The following CNTN4 variants were observed in gnomAD, a reference collection of about 807,000 sequenced individuals.
The protein encoded by CNTN4 is contactin 4.
In CNTN4, 77 loss-of-function variants were observed where a neutral mutation model predicts 122.5. That is an observed-to-expected ratio of 0.63 (90% confidence interval 0.52 to 0.76). The LOEUF is 0.76. Ranked by LOEUF, CNTN4 falls within the 30% of genes least tolerant of loss-of-function variation. The pLI, the probability that CNTN4 is intolerant of heterozygous loss-of-function variation, is 0.00. For synonymous variants in CNTN4, 512 were observed against 447.0 expected, an observed-to-expected ratio of 1.15 and a Z score of -1.83; for missense variants, 1,256 against 1,259.1, an observed-to-expected ratio of 1.00 and a Z score of 0.04.
chr3:3,042,242 T>C (rs1700228475), intron 20 of CNTN4, 68 bp from the exon 21 acceptor site: 1 of 1,084,168 alleles, frequency 9.2e-7, no homozygotes, highest in Admixed American at 1.7e-5. Context: ...TACCTTATAA[T>C]GCTAGTATCT....
At chr3:2,265,247 T>C (rs1352086732) in intron 2 of CNTN4, among the ~76,000 whole-genome samples, 2 of 152,128 alleles carry the variant, frequency 1.3e-5, no homozygotes, top group Non-Finnish European at 2.9e-5. Flanking sequence ...ATTTTCTTTA[T>C]CCACTTATTG....
chr3:2,674,970 A>G (rs2084762871), intron 4 of CNTN4, among the ~76,000 whole-genome samples: 1 of 152,158 alleles, frequency 6.6e-6, no homozygotes, highest in Non-Finnish European at 1.5e-5. Context: ...CATATAAGTG[A>G]GAACACGTGG....
intron 3 of CNTN4, among the ~76,000 whole-genome samples, chr3:2,542,558 G>A (rs1200388198): frequency 6.6e-6 from 1 of 152,092 alleles, no homozygotes; most frequent in African/African-American, 2.4e-5. Flanking sequence ...CGCTGATATA[G>A]TACAAATTTT....
intron 12 of CNTN4, among the ~76,000 whole-genome samples, chr3:2,916,498 T>G (rs2094357309): frequency 6.8e-6 from 1 of 147,916 alleles, no homozygotes; most frequent in African/African-American, 2.5e-5. Context: ...AACACATGTT[T>G]CAGAGAGCAC....
intron 3 of CNTN4, among the ~76,000 whole-genome samples, chr3:2,376,895 C>T (rs1196524964): frequency 2.0e-5 from 3 of 151,982 alleles, no homozygotes; most frequent in Non-Finnish European, 4.4e-5. Flanking sequence ...CGGTGGCTCA[C>T]GCCTGTAATC....
chr3:2,935,790 A>T (rs902288184), intron 13 of CNTN4, among the ~76,000 whole-genome samples: 1 of 152,194 alleles, frequency 6.6e-6, no homozygotes, highest in Non-Finnish European at 1.5e-5. Flanking sequence ...GAAAAGTGCC[A>T]TTTGTGTTGG....
At chr3:2,942,415 G>T (rs1241817908) in intron 13 of CNTN4, among the ~76,000 whole-genome samples, 1 of 152,166 alleles carries the variant, frequency 6.6e-6, no homozygotes, top group East Asian at 1.9e-4. Flanking sequence ...TAATTATCGT[G>T]TTTATAAAAT....
chr3:2,865,620 C>T (rs2093715812), intron 7 of CNTN4, among the ~76,000 whole-genome samples: 1 of 152,188 alleles, frequency 6.6e-6, no homozygotes, highest in South Asian at 2.1e-4. Flanking sequence ...ATGTTGGCTA[C>T]TCAGTGCCAG....
chr3:2,994,653 C>A (rs1422711451), intron 14 of CNTN4, among the ~76,000 whole-genome samples: 1 of 149,918 alleles, frequency 6.7e-6, no homozygotes, highest in Non-Finnish European at 1.5e-5. Flanking sequence ...CAAAGAGTAT[C>A]TACAGCATTA....
chr3:2,449,468 A>C (rs2048744146), intron 3 of CNTN4, among the ~76,000 whole-genome samples: 1 of 151,934 alleles, frequency 6.6e-6, no homozygotes. Context: ...TACAAAAATT[A>C]GCCGGGCGTG....
At chr3:2,530,273 A>G (rs565435866) in intron 3 of CNTN4, among the ~76,000 whole-genome samples, 90 of 150,484 alleles carry the variant, frequency 6.0e-4, no homozygotes, top group African/African-American at 2.0e-3. Flanking sequence ...TGTTTATTTC[A>G]CTAATATACT....
intron 3 of CNTN4, among the ~76,000 whole-genome samples, chr3:2,412,274 G>A (rs1056140765): frequency 4.7e-5 from 7 of 150,328 alleles, no homozygotes; most frequent in Non-Finnish European, 5.9e-5. Context: ...TTTTGGAGGC[G>A]GAGTTTCACT....
At chr3:2,589,155 C>T (rs1218699957) in intron 4 of CNTN4, among the ~76,000 whole-genome samples, 1 of 152,116 alleles carries the variant, frequency 6.6e-6, no homozygotes, top group East Asian at 1.9e-4. Flanking sequence ...ACAGCGATGG[C>T]CTGGCATAGA....
At chr3:2,873,737 T>G (rs778382083) in intron 8 of CNTN4, among the ~76,000 whole-genome samples, 5 of 152,216 alleles carry the variant, frequency 3.3e-5, no homozygotes, top group Admixed American at 6.5e-5. Flanking sequence ...CCTAGTGGGT[T>G]TTTGAACCCA....
At chr3:2,875,015 C>T (rs1312719717) in intron 8 of CNTN4, among the ~76,000 whole-genome samples, 1 of 152,142 alleles carries the variant, frequency 6.6e-6, no homozygotes, top group Non-Finnish European at 1.5e-5. Flanking sequence ...TAGAGTCTGT[C>T]TCTGTCACCC....
At chr3:2,859,336 T>A (rs2093649387) in intron 7 of CNTN4, among the ~76,000 whole-genome samples, 1 of 152,246 alleles carries the variant, frequency 6.6e-6, no homozygotes, top group Admixed American at 6.5e-5. Flanking sequence ...TTCCATATCT[T>A]GGCTATTGTG....
At chr3:2,694,968 A>G (rs1471311854) in intron 4 of CNTN4, among the ~76,000 whole-genome samples, 7 of 152,198 alleles carry the variant, frequency 4.6e-5, no homozygotes, top group African/African-American at 7.2e-5. Flanking sequence ...GGAATCTTAT[A>G]AATTAAGTGC....
intron 3 of CNTN4, among the ~76,000 whole-genome samples, chr3:2,487,983 A>G (rs1559599881): frequency 6.6e-6 from 1 of 152,198 alleles, no homozygotes; most frequent in African/African-American, 2.4e-5. Flanking sequence ...CCTGTGGCTG[A>G]TCAACACAGA....
intron 2 of CNTN4, among the ~76,000 whole-genome samples, chr3:2,133,657 T>C (rs928036162): frequency 1.3e-5 from 2 of 152,216 alleles, no homozygotes; most frequent in African/African-American, 4.8e-5. Context: ...TGATTTGCTG[T>C]AGAATTTTAA....
Sources: allele counts gnomAD v4.1 joint callset (sites outside exome capture counted in the v4.1 genomes callset), GRCh38; gene constraint gnomAD v4.1.1; transcripts MANE v1.5; gene names NCBI Gene and HGNC (gene_info 2026-07-23, HGNC 2026-07-21).